The following TRAK1 variants were observed in gnomAD, a reference collection of about 807,000 sequenced individuals.
The protein encoded by TRAK1 is trafficking kinesin protein 1.
In TRAK1, 33 loss-of-function variants were observed where a neutral mutation model predicts 92.1. The observed-to-expected ratio is 0.36, with a 90% confidence interval of 0.27 to 0.48. The LOEUF is 0.48. TRAK1 is among the 20% of genes least tolerant of loss of function. The pLI, the probability that TRAK1 is intolerant of heterozygous loss-of-function variation, is 0.99. For missense variants in TRAK1, 1,123 were observed against 1,257.9 expected, an observed-to-expected ratio of 0.89 and a Z score of 1.62; for synonymous variants, 521 against 517.3, an observed-to-expected ratio of 1.01 and a Z score of -0.10.
intron 6 of TRAK1, 128 bp downstream of exon 6, chr3:42,189,252 C>T (rs1443861484): frequency 1.0e-5 from 7 of 670,430 alleles, no homozygotes; most frequent in Non-Finnish European, 1.8e-5. Context: ...GTACCAGGCG[C>T]TCGGCAGATG....
chr3:42,088,899 C>T (rs929169447), upstream of TRAK1, among the ~76,000 whole-genome samples: 1 of 152,178 alleles, frequency 6.6e-6, no homozygotes, highest in African/African-American at 2.4e-5. Context: ...TATGTGTGCA[C>T]CTGTGCAGCA....
At chr3:42,187,561 G>A (rs1378906104) in intron 4 of TRAK1, among the ~76,000 whole-genome samples, 5 of 152,118 alleles carry the variant, frequency 3.3e-5, no homozygotes, top group Admixed American at 6.5e-5. Context: ...CCTGCCTCCC[G>A]TGTTCAAGCA....
chr3:42,128,272 C>A (rs1191609645), intron 2 of TRAK1, among the ~76,000 whole-genome samples: 1 of 152,136 alleles, frequency 6.6e-6, no homozygotes, highest in Non-Finnish European at 1.5e-5. Context: ...TTTAGTTATA[C>A]AGTTAAGAAA....
At chr3:42,013,123 C>G (rs1007207762), upstream of TRAK1, among the ~76,000 whole-genome samples, 11 of 152,198 alleles carry the variant, frequency 7.2e-5, no homozygotes, top group African/African-American at 2.7e-4. The surrounding 1 kb of genome is among the most constrained non-coding windows in gnomAD (Gnocchi z 5.1). Context: ...CCGCCAGCCC[C>G]CTGCCTGTCA....
At chr3:42,074,184 A>G (rs958349534) in intron 1 of TRAK1, among the ~76,000 whole-genome samples, 3 of 152,150 alleles carry the variant, frequency 2.0e-5, no homozygotes, top group African/African-American at 7.2e-5. Context: ...ATCCTAGGCA[A>G]TGTTTAGTCT....
chr3:42,022,756 C>G (rs1701767661), intron 1 of TRAK1, among the ~76,000 whole-genome samples: 1 of 149,886 alleles, frequency 6.7e-6, no homozygotes, highest in South Asian at 2.1e-4. Context: ...AACTTTTGTA[C>G]AAGAGGAATA....
chr3:42,074,312 A>C (rs1249947865), intron 1 of TRAK1, among the ~76,000 whole-genome samples: 1 of 152,210 alleles, frequency 6.6e-6, no homozygotes, highest in Non-Finnish European at 1.5e-5. Context: ...CCTGTTTTAC[A>C]ATTACAAGAG....
intron 1 of TRAK1, among the ~76,000 whole-genome samples, chr3:42,055,729 C>T (rs762471399): frequency 1.3e-5 from 2 of 152,158 alleles, no homozygotes; most frequent in African/African-American, 2.4e-5. Context: ...TGCCAAAGTG[C>T]TGAGATTATA....
Position 42,223,649 on chromosome 3 carries a change from G to C in TRAK1, c.2774G>C (p.Gly925Ala). 1 of 1,614,134 alleles carries C rather than the reference G, an allele frequency of 6.2e-7. No individual in the cohort carries two copies. Among genetic ancestry groups the C allele is most frequent in the Non-Finnish European group, 8.5e-7 (1 of 1,180,024 alleles). Reference sequence around the variant, plus strand: ...AATCGCAGCTTCCCCACCATGGTGGGATCTAGCATGCAGATGAAAGCTCCT... The same window carrying C: ...AATCGCAGCTTCCCCACCATGGTGGCATCTAGCATGCAGATGAAAGCTCCT... ...RRNRSFPTMV[G>A]SSMQMKAPVT... The change falls in exon 16 of 16, where the codon GGA (glycine) becomes GCA (alanine). Residue 925 changes from glycine to alanine, a missense_variant. Around this residue, in one of 3 missense-constraint regions of TRAK1, gnomAD observed 401 missense variants for 438.9 expected, o/e 0.91. Transcript: ENST00000327628. The surrounding 1 kb of genome is among the most constrained non-coding windows in gnomAD (Gnocchi z 6.1).
intron 1 of TRAK1, among the ~76,000 whole-genome samples, chr3:42,109,885 A>G (rs1005503036): frequency 6.6e-6 from 1 of 151,486 alleles, no homozygotes; most frequent in African/African-American, 2.4e-5. Context: ...TCTCACTTAC[A>G]GGCGGGAATT....
At chr3:42,074,176 C>T (rs1204638407) in intron 1 of TRAK1, among the ~76,000 whole-genome samples, 1 of 152,144 alleles carries the variant, frequency 6.6e-6, no homozygotes, top group Non-Finnish European at 1.5e-5. Flanking sequence ...AGACTCGCAT[C>T]CTAGGCAATG....
At chr3:42,193,313 C>T (rs775165671) in intron 8 of TRAK1, 108 bp downstream of exon 8, 86 of 1,455,902 alleles carry the variant, frequency 5.9e-5, no homozygotes, top group Non-Finnish European at 7.1e-5. Context: ...CTTAGCAGTT[C>T]GTGTTGCCGC....
chr3:42,043,340 C>T (rs905032536), intron 1 of TRAK1, among the ~76,000 whole-genome samples: 9 of 151,878 alleles, frequency 5.9e-5, no homozygotes, highest in East Asian at 3.9e-4. Context: ...ATCCCCTCCC[C>T]GACTCACACT....
At chr3:42,187,247 G>A (rs13091673) in intron 4 of TRAK1, among the ~76,000 whole-genome samples, 83,683 of 152,028 alleles carry the variant, frequency 0.55, 24,063 homozygotes, top group East Asian at 0.95. Context: ...GGGCTGTGTG[G>A]TCATCCAAGT....
intron 10 of TRAK1, among the ~76,000 whole-genome samples, chr3:42,198,778 C>T (rs1451800306): frequency 1.3e-5 from 2 of 152,096 alleles, no homozygotes; most frequent in Non-Finnish European, 2.9e-5. Flanking sequence ...TGCCATATCT[C>T]ACTGTAAGCT....
intron 1 of TRAK1, among the ~76,000 whole-genome samples, chr3:42,108,838 T>A (rs1488057948): frequency 6.6e-6 from 1 of 152,082 alleles, no homozygotes; most frequent in African/African-American, 2.4e-5. Flanking sequence ...ATGCTCCTGT[T>A]TGAAGGCAAA....
At chr3:42,068,873 C>T (rs1703792166) in intron 1 of TRAK1, among the ~76,000 whole-genome samples, 1 of 152,124 alleles carries the variant, frequency 6.6e-6, no homozygotes, top group Admixed American at 6.5e-5. Context: ...GATGAGAAAA[C>T]TGAGGGTTGT....
chr3:42,132,878 C>T (rs960816774), intron 2 of TRAK1, among the ~76,000 whole-genome samples: 9 of 152,182 alleles, frequency 5.9e-5, no homozygotes, highest in East Asian at 1.9e-4. Flanking sequence ...TCATCCATTG[C>T]GGAAAGTGGA....
chr3:42,014,419 C>T (rs957001521), intron 1 of TRAK1, among the ~76,000 whole-genome samples: 1 of 152,198 alleles, frequency 6.6e-6, no homozygotes, highest in South Asian at 2.1e-4. Context: ...CGGGCAGCAC[C>T]CCGATTCCCA....
Sources: allele counts gnomAD v4.1 joint callset (sites outside exome capture counted in the v4.1 genomes callset), GRCh38; gene constraint gnomAD v4.1.1; regional missense constraint gnomAD v4.1.1; non-coding constraint Gnocchi (gnomAD v3.1); transcripts MANE v1.5; gene names NCBI Gene and HGNC (gene_info 2026-07-23, HGNC 2026-07-21).